Variants in ENOX1 observed in about 807,000 individuals in gnomAD.
ENOX1 encodes candidate growth-related and time keeping constitutive hydroquinone (NADH) oxidase.
A neutral mutation model predicts 82.5 loss-of-function variants in ENOX1; 42 were observed. The ratio of observed to expected loss-of-function variants is 0.51; its 90% confidence interval spans 0.40 to 0.66. The LOEUF (loss-of-function observed/expected upper bound fraction) is 0.66, where lower values mean the gene tolerates loss of function less well. ENOX1 is among the 30% of genes least tolerant of loss of function. ENOX1 has a pLI of 0.00. For missense variants in ENOX1, 608 were observed against 811.6 expected, an observed-to-expected ratio of 0.75 and a Z score of 3.05; for synonymous variants, 271 against 282.2, an observed-to-expected ratio of 0.96 and a Z score of 0.40.
At chr13:43,627,133 A>G (rs542553889) in intron 2 of ENOX1, among the ~76,000 whole-genome samples, 4 of 151,900 alleles carry the variant, frequency 2.6e-5, no homozygotes, top group Admixed American at 1.3e-4. Flanking sequence ...TAATGTTTGT[A>G]TATCTTTTCT....
Position 43,745,003 on chromosome 13 carries a change from T to A in ENOX1, c.-285+41649A>T, listed in dbSNP as rs9595007. Among the ~76,000 whole-genome samples, 1,467 of 152,320 alleles carry A rather than the reference T, an allele frequency of 9.6e-3. 26 individuals carry two copies. Among genetic ancestry groups the A allele is most frequent in the African/African-American group, 0.032 (1,340 of 41,572 alleles). On this transcript the variant is annotated intron_variant, in intron 1 of 16. Coordinates refer to ENST00000690772, the MANE Select transcript of ENOX1 (RefSeq NM_001347969.2). ...TTCTTAGGGAGAAAACTGGAAAACA[T>A]TCACTTGCAAATGATGATCATTTAT... is the stretch of plus-strand genomic sequence containing the variant.
At chr13:43,288,716 T>C (rs2045839948) in intron 12 of ENOX1, among the ~76,000 whole-genome samples, 1 of 152,204 alleles carries the variant, frequency 6.6e-6, no homozygotes. Flanking sequence ...TCCTTCCTTC[T>C]AATTGAACAT....
At chr13:43,410,905 C>G (rs1481758479) in intron 5 of ENOX1, among the ~76,000 whole-genome samples, 3 of 152,314 alleles carry the variant, frequency 2.0e-5, no homozygotes, top group Non-Finnish European at 2.9e-5. Flanking sequence ...GTTGTCACCT[C>G]TCCACTATAA....
At chr13:43,651,003 G>A (rs554547595) in intron 2 of ENOX1, among the ~76,000 whole-genome samples, 19 of 152,120 alleles carry the variant, frequency 1.2e-4, no homozygotes, top group Non-Finnish European at 2.4e-4. Flanking sequence ...TGCCAAAAAT[G>A]AGTCAAGCTC....
chr13:43,714,875 C>G (rs2153815480), intron 1 of ENOX1, among the ~76,000 whole-genome samples: 1 of 152,286 alleles, frequency 6.6e-6, no homozygotes, highest in Middle Eastern at 3.4e-3. Context: ...ATTTGCCAGT[C>G]TGTGTCTTTT....
intron 1 of ENOX1, among the ~76,000 whole-genome samples, chr13:43,737,416 A>G (rs1247626524): frequency 6.6e-6 from 1 of 152,224 alleles, no homozygotes; most frequent in East Asian, 1.9e-4. Flanking sequence ...ATTGCTCAGC[A>G]GTGGCAACAA....
chr13:43,464,162 T>C lies in ENOX1; in HGVS notation c.-75+19847A>G, dbSNP rs543802220. Reference sequence around the variant, plus strand: ...GAAGAGTTTTTGAGGGTGAGTAAGCTTGAGAATGGTCTTCCAAGCTGAAAA... The same window carrying C: ...GAAGAGTTTTTGAGGGTGAGTAAGCCTGAGAATGGTCTTCCAAGCTGAAAA... On this transcript the variant is annotated intron_variant, in intron 3 of 16. Transcript: ENST00000690772. Among the ~76,000 whole-genome samples, 123 of 152,230 alleles carry C rather than the reference T, an allele frequency of 8.1e-4. 4 individuals are homozygous for C. The South Asian group carries it at 0.025, about 31-fold the overall frequency.
chr13:43,562,690 A>G (rs1384854153), intron 2 of ENOX1, among the ~76,000 whole-genome samples: 1 of 152,196 alleles, frequency 6.6e-6, no homozygotes. Flanking sequence ...TTGAAAATAA[A>G]GAACTGGAAA....
At chr13:43,455,070 A>G (rs1267297971) in intron 3 of ENOX1, among the ~76,000 whole-genome samples, 1 of 152,082 alleles carries the variant, frequency 6.6e-6, no homozygotes, top group African/African-American at 2.4e-5. Flanking sequence ...GTTGGTTTAC[A>G]TCCTCATTTT....
At chr13:43,329,165 G>A (rs575019093) in intron 9 of ENOX1, among the ~76,000 whole-genome samples, 1 of 152,348 alleles carries the variant, frequency 6.6e-6, no homozygotes, top group South Asian at 2.1e-4. Context: ...GTGGGAGGAT[G>A]AGTGAAAGTA....
intron 1 of ENOX1, among the ~76,000 whole-genome samples, chr13:43,683,935 C>T (rs1203381233): frequency 6.6e-6 from 1 of 151,924 alleles, no homozygotes; most frequent in Non-Finnish European, 1.5e-5. Flanking sequence ...CCATAGATTA[C>T]CCTCTAAGCT....
At chr13:43,500,581 A>G (rs970918658) in intron 2 of ENOX1, among the ~76,000 whole-genome samples, 21 of 152,060 alleles carry the variant, frequency 1.4e-4, no homozygotes, top group Admixed American at 3.9e-4. Context: ...AAGAAGTGTG[A>G]AAGGGAGTTC....
chr13:43,472,210 T>G (rs1420763992), intron 3 of ENOX1, among the ~76,000 whole-genome samples: 1 of 152,110 alleles, frequency 6.6e-6, no homozygotes, highest in Non-Finnish European at 1.5e-5. Context: ...AAATAAGCAC[T>G]GAATAAATGT....
chr13:43,284,967 A>C lies in ENOX1; in HGVS notation c.1446+13379T>G, dbSNP rs553092204. Among the ~76,000 whole-genome samples the C allele has an allele frequency of 2.0e-5, 3 of 152,272 alleles. No individual in the cohort carries two copies. In the South Asian group the frequency reaches 6.2e-4, roughly 32 times the overall value. ...AGTCAGAGACACAGAGAGAAGAAAC[A>C]GAAAGTACAAAAACCAGACAGTAAT... On this transcript the variant is annotated intron_variant, in intron 12 of 16. Transcript: ENST00000690772.
At chr13:43,584,303 T>C (rs576132612) in intron 2 of ENOX1, among the ~76,000 whole-genome samples, 6 of 152,326 alleles carry the variant, frequency 3.9e-5, no homozygotes, top group Non-Finnish European at 8.8e-5. Context: ...ATCCCCCCAC[T>C]ATACACATCC....
intron 2 of ENOX1, among the ~76,000 whole-genome samples, chr13:43,568,802 A>T (rs980311141): frequency 1.3e-5 from 2 of 152,118 alleles, no homozygotes; most frequent in African/African-American, 4.8e-5. Context: ...ATTCTATGAG[A>T]CTAAACAGAA....
chr13:43,369,818 C>A (rs889757244), intron 5 of ENOX1, among the ~76,000 whole-genome samples: 2 of 151,234 alleles, frequency 1.3e-5, no homozygotes, highest in East Asian at 1.9e-4. Context: ...CCACAGAGGG[C>A]AAGGAGATCC....
chr13:43,651,403 CTT>C (rs1396030940), intron 2 of ENOX1, among the ~76,000 whole-genome samples: 3 of 152,036 alleles, frequency 2.0e-5, no homozygotes, highest in Non-Finnish European at 2.9e-5. Flanking sequence ...TGATAAAAGA[CTT>C]CACTTTGAGG....
At chr13:43,488,910 G>C (rs932875025) in intron 2 of ENOX1, among the ~76,000 whole-genome samples, 1 of 152,200 alleles carries the variant, frequency 6.6e-6, no homozygotes, top group Non-Finnish European at 1.5e-5. Context: ...CAGAACTTAA[G>C]AGCAATTAAC....
Sources: allele counts gnomAD v4.1 joint callset (sites outside exome capture counted in the v4.1 genomes callset), GRCh38; gene constraint gnomAD v4.1.1; transcripts MANE v1.5; gene names NCBI Gene and HGNC (gene_info 2026-07-23, HGNC 2026-07-21).